PDE4D: variants seen among roughly 807,000 people sequenced by gnomAD.
The protein encoded by PDE4D is phosphodiesterase 4D.
PDE4D carries 24 observed loss-of-function variants against 87.4 expected under a neutral mutation model. The observed-to-expected ratio is 0.27, with a 90% CI of 0.20 to 0.39. The LOEUF (loss-of-function observed/expected upper bound fraction) is 0.39. Among genes scored for constraint, PDE4D ranks in the 10% least tolerant of loss-of-function variants. The pLI, the probability that PDE4D is intolerant of heterozygous loss-of-function variation, is 1.00. For synonymous variants in PDE4D, 384 were observed against 383.2 expected (o/e 1.00, Z -0.02); for missense variants, 714 against 1,041.0 (o/e 0.69, Z 4.32).
chr5:59,421,103 G>C (rs1373822776), intron 1 of PDE4D, among the ~76,000 whole-genome samples: 2 of 152,128 alleles, frequency 1.3e-5, no homozygotes, highest in Admixed American at 6.5e-5. Context: ...CATTTTGTGA[G>C]CTGGTTTATT....
At chr5:59,365,855 G>A (rs371236078) in intron 1 of PDE4D, among the ~76,000 whole-genome samples, 4 of 151,964 alleles carry the variant, frequency 2.6e-5, no homozygotes, top group Non-Finnish European at 2.9e-5. Flanking sequence ...ACTGACAAAC[G>A]GTCCCTTTGA....
chr5:59,207,645 G>A (rs906860438), intron 2 of PDE4D, among the ~76,000 whole-genome samples: 2 of 152,072 alleles, frequency 1.3e-5, no homozygotes, highest in Admixed American at 1.3e-4. Context: ...GGAATTCAGT[G>A]TCTCATAGGA....
At chr5:60,454,392 A>G (rs563502942) in intron 1 of PDE4D, among the ~76,000 whole-genome samples, 59 of 152,208 alleles carry the variant, frequency 3.9e-4, no homozygotes, top group Non-Finnish European at 4.4e-4. Flanking sequence ...AAGACATGGA[A>G]TCAACCCAAA....
chr5:60,432,126 T>A (rs1310889802), intron 1 of PDE4D, among the ~76,000 whole-genome samples: 2 of 133,414 alleles, frequency 1.5e-5, no homozygotes, highest in South Asian at 5.0e-4. Context: ...AGGGGATTAG[T>A]TTTTTTTATG....
At chr5:60,211,136 G>A (rs890628648) in intron 1 of PDE4D, among the ~76,000 whole-genome samples, 1 of 152,174 alleles carries the variant, frequency 6.6e-6, no homozygotes, top group African/African-American at 2.4e-5. Context: ...CTCCGAGCTC[G>A]GTGACGCTCA....
At chr5:59,430,534 C>T (rs1795957046) in intron 1 of PDE4D, 1 of 767,218 alleles carries the variant, frequency 1.3e-6, no homozygotes, top group Non-Finnish European at 1.8e-6. Flanking sequence ...TCACTGGTTG[C>T]CCGGTGCTTC....
chr5:60,179,139 T>C (rs757515486), intron 2 of PDE4D, among the ~76,000 whole-genome samples: 29 of 152,142 alleles, frequency 1.9e-4, no homozygotes, highest in African/African-American at 2.7e-4. Flanking sequence ...TCAGTTCTTA[T>C]GCTATAAGTA....
chr5:59,469,176 A>C (rs1362010013), intron 1 of PDE4D, among the ~76,000 whole-genome samples: 1 of 152,036 alleles, frequency 6.6e-6, no homozygotes, highest in East Asian at 1.9e-4. Flanking sequence ...AAATACAAAA[A>C]AATTAGCAGG....
At chr5:60,008,505 A>G (rs1324003987) in intron 2 of PDE4D, among the ~76,000 whole-genome samples, 1 of 152,032 alleles carries the variant, frequency 6.6e-6, no homozygotes, top group Admixed American at 6.6e-5. Flanking sequence ...CACGTGACAC[A>G]GTTTGGACTC....
At chr5:59,617,449 G>A (rs921466061) in intron 1 of PDE4D, among the ~76,000 whole-genome samples, 1 of 152,136 alleles carries the variant, frequency 6.6e-6, no homozygotes, top group Non-Finnish European at 1.5e-5. Flanking sequence ...ATCATGTGTT[G>A]AAGTCCTAAC....
At chr5:60,462,425 A>G (rs1316300915) in intron 1 of PDE4D, among the ~76,000 whole-genome samples, 1 of 152,094 alleles carries the variant, frequency 6.6e-6, no homozygotes, top group Non-Finnish European at 1.5e-5. Flanking sequence ...GCAAGAAGAG[A>G]AGGAATAGGT....
At chr5:60,154,140 T>C (rs1296449317) in intron 2 of PDE4D, among the ~76,000 whole-genome samples, 1 of 152,240 alleles carries the variant, frequency 6.6e-6, no homozygotes, top group Non-Finnish European at 1.5e-5. Context: ...AGTGCTTTTT[T>C]TCAAAAAGAC....
intron 1 of PDE4D, among the ~76,000 whole-genome samples, chr5:59,495,362 CT>C (rs112975872): frequency 1.1e-3 from 175 of 152,304 alleles, no homozygotes; most frequent in African/African-American, 4.0e-3. Flanking sequence ...TTATTACCCC[CT>C]GGCCCTGTTT....
rs1790674458 is a variant in PDE4D at position 59,401,651 on chromosome 5, T to C, written c.456-185683A>G. 2.0e-5 allele frequency among the ~76,000 whole-genome samples: 3 copies of C among 152,032 alleles called. No homozygotes were observed. In the South Asian group the frequency reaches 6.2e-4, roughly 32 times the overall value. On this transcript the variant is annotated intron_variant, in intron 1 of 14. Coordinates refer to ENST00000340635, the MANE Select transcript of PDE4D (RefSeq NM_001104631.2). Reference sequence around the variant, plus strand: ...AATGTTAGGGGTTCTCAGTGGGTTATTTGTCTCTTTCTATTAAACTCCATT... The same window carrying C: ...AATGTTAGGGGTTCTCAGTGGGTTACTTGTCTCTTTCTATTAAACTCCATT...
intron 11 of PDE4D, among the ~76,000 whole-genome samples, chr5:58,982,884 T>C (rs889184437): frequency 6.6e-6 from 1 of 152,214 alleles, no homozygotes; most frequent in Admixed American, 6.5e-5. Flanking sequence ...AAAATCCTCC[T>C]CTGCCAAGGT....
intron 1 of PDE4D, among the ~76,000 whole-genome samples, chr5:60,442,610 A>T (rs1326230075): frequency 6.6e-6 from 1 of 152,080 alleles, no homozygotes; most frequent in Admixed American, 6.6e-5. Flanking sequence ...AATAGCCAAT[A>T]CAATATTAAA....
chr5:59,064,281 AT>A (rs1189455331), intron 5 of PDE4D, among the ~76,000 whole-genome samples: 1 of 151,782 alleles, frequency 6.6e-6, no homozygotes, highest in Non-Finnish European at 1.5e-5. Context: ...TACACTGGAA[AT>A]TTTTTTTATT....
intron 2 of PDE4D, among the ~76,000 whole-genome samples, chr5:60,005,366 T>C (rs1176269368): frequency 1.3e-5 from 2 of 152,052 alleles, no homozygotes; most frequent in Non-Finnish European, 2.9e-5. Flanking sequence ...AAATACATTA[T>C]GGGGATTTAA....
intron 1 of PDE4D, among the ~76,000 whole-genome samples, chr5:60,203,283 T>C (rs2149550879): frequency 6.6e-6 from 1 of 152,302 alleles, no homozygotes; most frequent in East Asian, 1.9e-4. Flanking sequence ...GTGAATAAAT[T>C]AAATACTTAA....
Sources: allele counts gnomAD v4.1 joint callset (sites outside exome capture counted in the v4.1 genomes callset), GRCh38; gene constraint gnomAD v4.1.1; transcripts MANE v1.5; gene names NCBI Gene and HGNC (gene_info 2026-07-23, HGNC 2026-07-21).